GRK5: variants seen among roughly 807,000 people sequenced by gnomAD.
The protein encoded by GRK5 is g protein-coupled receptor kinase GRK5.
A neutral mutation model predicts 78.4 loss-of-function variants in GRK5; 40 were observed. The observed-to-expected ratio is 0.51, with a 90% CI of 0.40 to 0.66. The LOEUF (loss-of-function observed/expected upper bound fraction) is 0.66, where lower values mean the gene tolerates loss of function less well. GRK5 is among the 30% of genes least tolerant of loss of function. The pLI is 0.00. For missense variants in GRK5, 598 were observed against 759.9 expected (o/e 0.79, Z 2.50); for synonymous variants, 289 against 296.8 (o/e 0.97, Z 0.27).
chr10:119,211,123 A>G (rs1848479921), intron 1 of GRK5, among the ~76,000 whole-genome samples: 1 of 152,178 alleles, frequency 6.6e-6, no homozygotes, highest in Non-Finnish European at 1.5e-5. Context: ...AAGATTTTGA[A>G]CCACGGAAAT....
chr10:119,421,297 C>A (rs1189283862), intron 4 of GRK5, among the ~76,000 whole-genome samples: 1 of 152,198 alleles, frequency 6.6e-6, no homozygotes, highest in African/African-American at 2.4e-5. Flanking sequence ...TACTGGTTCC[C>A]AAGAGACTCA....
chr10:119,222,882 T>C (rs778993247), intron 1 of GRK5, among the ~76,000 whole-genome samples: 1 of 152,188 alleles, frequency 6.6e-6, no homozygotes, highest in Non-Finnish European at 1.5e-5. Flanking sequence ...GGGGCCCGCA[T>C]GGGTGGCCGT....
chr10:119,269,157 G>T (rs1849547807), intron 1 of GRK5, among the ~76,000 whole-genome samples: 1 of 152,246 alleles, frequency 6.6e-6, no homozygotes, highest in South Asian at 2.1e-4. Flanking sequence ...AAACAAACCA[G>T]CATCTTTTCT....
chr10:119,411,026 A>G (rs1048988386), intron 4 of GRK5, among the ~76,000 whole-genome samples: 6 of 151,870 alleles, frequency 4.0e-5, no homozygotes, highest in South Asian at 2.1e-4. Context: ...GCCTGGGCAC[A>G]GAATGGGCAC....
intron 1 of GRK5, among the ~76,000 whole-genome samples, chr10:119,284,843 T>C (rs1849820457): frequency 6.6e-6 from 1 of 152,192 alleles, no homozygotes; most frequent in Non-Finnish European, 1.5e-5. Flanking sequence ...CAAAGGGATG[T>C]CTCACTGGGG....
chr10:119,277,534 C>A (rs1036823746), intron 1 of GRK5, among the ~76,000 whole-genome samples: 1 of 152,138 alleles, frequency 6.6e-6, no homozygotes, highest in Non-Finnish European at 1.5e-5. Flanking sequence ...CAGGCTGGGA[C>A]CCAGGAATCC....
chr10:119,258,992 A>T (rs1330310163), intron 1 of GRK5, among the ~76,000 whole-genome samples: 1 of 151,810 alleles, frequency 6.6e-6, no homozygotes, highest in Non-Finnish European at 1.5e-5. Context: ...CAGGTGCAAC[A>T]GTGACAGGGC....
rs539345473 is a variant in GRK5, at chr10:119,221,592, C to T, written c.52+13623C>T. ...TATTTAACCAAGCCCCTAGAATGAGCCATTTAAATTCTCTAATTTTTAAAG... is the reference window on the plus strand; with the variant it reads ...TATTTAACCAAGCCCCTAGAATGAGTCATTTAAATTCTCTAATTTTTAAAG... On this transcript the variant is annotated intron_variant, in intron 1 of 15. Coordinates refer to ENST00000392870, the MANE Select transcript of GRK5 (RefSeq NM_005308.3). Among the ~76,000 whole-genome samples the T allele has an allele frequency of 5.9e-5, 9 of 152,200 alleles. No individual in the cohort carries two copies. In the East Asian group the frequency reaches 1.7e-3, roughly 29 times the overall value.
At chr10:119,299,920 G>A (rs58413853) in intron 1 of GRK5, among the ~76,000 whole-genome samples, 1 of 151,924 alleles carries the variant, frequency 6.6e-6, no homozygotes, top group Non-Finnish European at 1.5e-5. Context: ...CCGTTAACTC[G>A]TCATTTACAT....
intron 2 of GRK5, among the ~76,000 whole-genome samples, chr10:119,361,772 C>T (rs1349517288): frequency 6.6e-6 from 1 of 152,018 alleles, no homozygotes; most frequent in Non-Finnish European, 1.5e-5. Flanking sequence ...ACCAGCCTGG[C>T]CAACATGGCG....
At chr10:119,373,154 A>C (rs1275280078) in intron 2 of GRK5, among the ~76,000 whole-genome samples, 1 of 152,272 alleles carries the variant, frequency 6.6e-6, no homozygotes, top group Non-Finnish European at 1.5e-5. Flanking sequence ...CAAAAGTATC[A>C]GTCCGTGATG....
At chr10:119,270,231 T>G (rs1282300898) in intron 1 of GRK5, among the ~76,000 whole-genome samples, 1 of 152,248 alleles carries the variant, frequency 6.6e-6, no homozygotes, top group Non-Finnish European at 1.5e-5. Flanking sequence ...CACCAAAATG[T>G]GTAATTGTAC....
At chr10:119,376,297 T>C (rs1474704323) in intron 2 of GRK5, among the ~76,000 whole-genome samples, 2 of 152,194 alleles carry the variant, frequency 1.3e-5, no homozygotes, top group African/African-American at 4.8e-5. Flanking sequence ...GGCCAGCTGT[T>C]AATTCCAAGC....
rs986115291 is a variant in GRK5, at chr10:119,267,120, G to T, written c.52+59151G>T. Among the ~76,000 whole-genome samples, 5 of 152,018 alleles carry T rather than the reference G, an allele frequency of 3.3e-5. No individual in the cohort carries two copies. Among genetic ancestry groups the T allele is most frequent in the Non-Finnish European group, 5.9e-5 (4 of 68,008 alleles). ...TAGCCAGGCATGGTGGCGGGCGCCT[G>T]TAATCTCAGCTACTCAGGATGCTGA... is the stretch of plus-strand genomic sequence containing the variant. On this transcript the variant is annotated intron_variant, in intron 1 of 15. Coordinates refer to ENST00000392870, the MANE Select transcript of GRK5 (RefSeq NM_005308.3). This position sits in a 1 kb window ranked among gnomAD's most constrained non-coding sequence, Gnocchi z 4.1.
At chr10:119,279,904 G>A (rs1849733349) in intron 1 of GRK5, among the ~76,000 whole-genome samples, 1 of 152,198 alleles carries the variant, frequency 6.6e-6, no homozygotes, top group Non-Finnish European at 1.5e-5. Flanking sequence ...GCTGGAGGGT[G>A]GGGTGGTGGT....
intron 1 of GRK5, among the ~76,000 whole-genome samples, chr10:119,298,333 G>T (rs1240235523): frequency 6.6e-6 from 1 of 152,112 alleles, no homozygotes; most frequent in Non-Finnish European, 1.5e-5. Context: ...AGGTTAACAG[G>T]AAACAGAGTG....
intron 2 of GRK5, among the ~76,000 whole-genome samples, chr10:119,358,969 C>T (rs1354588211): frequency 6.6e-6 from 1 of 152,182 alleles, no homozygotes; most frequent in Non-Finnish European, 1.5e-5. Context: ...GTTAGGGCCC[C>T]ACCCTGAAGA....
intron 1 of GRK5, among the ~76,000 whole-genome samples, chr10:119,211,996 AAGGCATACGTGG>A (rs1221119597): frequency 6.6e-6 from 1 of 152,200 alleles, no homozygotes; most frequent in African/African-American, 2.4e-5. Context: ...TGGCTATGTG[AAGGCATACGTGG>A]AGGCATACGT....
intron 1 of GRK5, among the ~76,000 whole-genome samples, chr10:119,261,681 G>C (rs1307667755): frequency 6.6e-6 from 1 of 152,024 alleles, no homozygotes; most frequent in African/African-American, 2.4e-5. Context: ...CGGATCACTC[G>C]CGGTTAGGAG....
Sources: gnomAD v4.1 joint callset for allele counts (sites outside exome capture counted in the v4.1 genomes callset) on GRCh38, gnomAD v4.1.1 for gene constraint, Gnocchi (gnomAD v3.1) non-coding constraint, MANE v1.5 for transcripts, NCBI Gene and HGNC (gene_info 2026-07-23, HGNC 2026-07-21) for gene names.